Variants in GRAMD1C observed in about 807,000 individuals in gnomAD.
GRAMD1C encodes protein Aster-C.
In GRAMD1C, 89 loss-of-function variants were observed where a neutral mutation model predicts 97.8. The ratio of observed to expected loss-of-function variants is 0.91; its 90% CI spans 0.77 to 1.09. GRAMD1C has a LOEUF of 1.09. Among genes scored for constraint, GRAMD1C ranks in the 50% least tolerant of loss-of-function variants. GRAMD1C has a pLI of 0.00. For synonymous variants in GRAMD1C, 256 were observed against 267.0 expected (o/e 0.96, Z 0.40); for missense variants, 740 against 766.4 (o/e 0.97, Z 0.41).
chr3:113,854,813 G>A (rs1934053191), intron 2 of GRAMD1C, among the ~76,000 whole-genome samples: 1 of 152,084 alleles, frequency 6.6e-6, no homozygotes, highest in Non-Finnish European at 1.5e-5. Flanking sequence ...TTTAATAAAT[G>A]ACATAGAGAA....
At chr3:113,922,789 T>C (rs946306212) in intron 10 of GRAMD1C, among the ~76,000 whole-genome samples, 12 of 152,202 alleles carry the variant, frequency 7.9e-5, no homozygotes, top group Non-Finnish European at 1.3e-4. Context: ...AATTTTAGAA[T>C]AGTTTTTTCC....
chr3:113,883,225 G>GA (rs1420164855), intron 6 of GRAMD1C, among the ~76,000 whole-genome samples: 5 of 152,020 alleles, frequency 3.3e-5, no homozygotes, highest in Admixed American at 6.6e-5. Context: ...TAGGCAGAAT[G>GA]AAAAAATACA....
intron 7 of GRAMD1C, among the ~76,000 whole-genome samples, chr3:113,901,635 A>G (rs749555705): frequency 2.6e-5 from 4 of 152,224 alleles, no homozygotes; most frequent in South Asian, 2.1e-4. Flanking sequence ...GATAATGGTA[A>G]GAGTCATAAC....
intron 6 of GRAMD1C, chr3:113,886,087 C>T (rs571705770): frequency 7.4e-6 from 11 of 1,489,214 alleles, no homozygotes; most frequent in African/African-American, 6.9e-5. Context: ...AAAGGGATGG[C>T]GAGCCCTTGG....
At chr3:113,890,830 G>C (rs1395685071) in intron 6 of GRAMD1C, 2 of 663,318 alleles carry the variant, frequency 3.0e-6, no homozygotes, top group Non-Finnish European at 5.5e-6. Context: ...TTACAGATGA[G>C]CCAAGGGAGA....
intron 1 of GRAMD1C, among the ~76,000 whole-genome samples, chr3:113,843,750 G>A (rs1405828537): frequency 2.0e-5 from 3 of 152,170 alleles, no homozygotes; most frequent in South Asian, 4.1e-4. Context: ...GAGCCACCTC[G>A]CACAGCTGGC....
At chr3:113,917,536 G>C (rs1033157539) in intron 10 of GRAMD1C, among the ~76,000 whole-genome samples, 3 of 151,692 alleles carry the variant, frequency 2.0e-5, no homozygotes, top group Non-Finnish European at 4.4e-5. Flanking sequence ...TGGCCATGCT[G>C]GTCTCAAACT....
chr3:113,930,578 TATA>T, intron 10 of GRAMD1C, 133 bp from the exon 11 acceptor site: 1 of 534,962 alleles, frequency 1.9e-6, no homozygotes. Flanking sequence ...ATGTTAAACT[TATA>T]ATACCCAGTT....
chr3:113,838,710 T>G (rs2108063853), upstream of GRAMD1C: 1 of 374,312 alleles, frequency 2.7e-6, no homozygotes, highest in African/African-American at 2.1e-5. Context: ...AAGACAAGCC[T>G]TCAGGCTAAC....
upstream of GRAMD1C, chr3:113,838,335 G>A: frequency 6.6e-6 from 1 of 152,626 alleles, no homozygotes; most frequent in Non-Finnish European, 1.5e-5. Flanking sequence ...ACTTTGGGAG[G>A]CCAAGGCCAG....
intron 2 of GRAMD1C, among the ~76,000 whole-genome samples, chr3:113,854,092 G>A (rs535385386): frequency 6.6e-4 from 101 of 152,206 alleles, no homozygotes; most frequent in Admixed American, 2.9e-3. Context: ...CCATTTAGGG[G>A]AAGAAAAGAC....
In GRAMD1C at chr3:113,940,983, C is replaced by G. The variant is rs75296004; in HGVS notation, c.1908+638C>G. On this transcript the variant is annotated intron_variant, in intron 17 of 17. Transcript: ENST00000358160. Reference sequence around the variant, plus strand: ...CCATTGATGAGGTCTTCTGATGGCTCCAGTCAGGTCCAGTGGCCCTCTATG... The same window carrying G: ...CCATTGATGAGGTCTTCTGATGGCTGCAGTCAGGTCCAGTGGCCCTCTATG... Among the ~76,000 whole-genome samples, 1,243 of 152,294 alleles carry G rather than the reference C, an allele frequency of 8.2e-3. 8 individuals are homozygous for G. Among genetic ancestry groups the G allele is most frequent in the Non-Finnish European group, 0.014 (919 of 68,032 alleles).
rs200353145 is a variant in GRAMD1C at position 113,877,782 on chromosome 3, G to GT, written c.459+1534dup. Among the ~76,000 whole-genome samples, 797 of 143,812 alleles carry GT rather than the reference G, an allele frequency of 5.5e-3. 6 individuals carry two copies. The highest frequency in any genetic ancestry group is 0.015 in the African/African-American group (597 of 39,378). 94.3% of individuals were successfully genotyped at this position (143,812 alleles called of 152,430 possible). A position where few individuals can be genotyped will look rare whatever the true frequency, so the allele number is the denominator to read the frequency against. ...GTAGTAATAAGTATTTTGGGGAAAGGTTTTTTTTTTTTAGAGACGGAGTTT... is the reference window on the plus strand; with the variant it reads ...GTAGTAATAAGTATTTTGGGGAAAGGTTTTTTTTTTTTTAGAGACGGAGTTT... On this transcript the variant is annotated intron_variant, in intron 5 of 17. Coordinates refer to ENST00000358160, the MANE Select transcript of GRAMD1C (RefSeq NM_017577.5).
At chr3:113,860,988 CAG>C (rs1934353668) in intron 2 of GRAMD1C, among the ~76,000 whole-genome samples, 5 of 144,824 alleles carry the variant, frequency 3.5e-5, no homozygotes, top group Admixed American at 2.1e-4. Context: ...AAAAAGAAAA[CAG>C]AAAAAAATAG....
At chr3:113,864,167 C>T (rs546277035) in intron 2 of GRAMD1C, among the ~76,000 whole-genome samples, 2 of 152,216 alleles carry the variant, frequency 1.3e-5, no homozygotes, top group South Asian at 2.1e-4. Flanking sequence ...GGCTGGAGTG[C>T]AATGGGATGA....
intron 1 of GRAMD1C, among the ~76,000 whole-genome samples, chr3:113,841,458 G>A (rs1345894012): frequency 6.6e-6 from 1 of 151,302 alleles, no homozygotes; most frequent in East Asian, 2.0e-4. Flanking sequence ...GCTAATTTTT[G>A]TATTTTGTTT....
At chr3:113,922,065 A>G (rs1937078574) in intron 10 of GRAMD1C, among the ~76,000 whole-genome samples, 1 of 150,168 alleles carries the variant, frequency 6.7e-6, no homozygotes, top group Non-Finnish European at 1.5e-5. Flanking sequence ...TATTTTCTAA[A>G]TTTTCTTTCT....
At chr3:113,897,934 G>GAATGTTCA in intron 6 of GRAMD1C, 1 of 170,854 alleles carries the variant, frequency 5.9e-6, no homozygotes, top group Middle Eastern at 3.0e-3. Flanking sequence ...TTGAATGTTT[G>GAATGTTCA]AATGTTCAAC....
chr3:113,929,867 A>T (rs1182938274), intron 10 of GRAMD1C, among the ~76,000 whole-genome samples: 1 of 152,210 alleles, frequency 6.6e-6, no homozygotes, highest in Non-Finnish European at 1.5e-5. Context: ...TAATGGGGTT[A>T]GATAAAGGCT....
Sources: gnomAD v4.1 joint callset for allele counts (sites outside exome capture counted in the v4.1 genomes callset) on GRCh38, gnomAD v4.1.1 for gene constraint, MANE v1.5 for transcripts, NCBI Gene and HGNC (gene_info 2026-07-23, HGNC 2026-07-21) for gene names.